The following ODAD3 variants were observed in gnomAD, a reference collection of about 807,000 sequenced individuals.
ODAD3 encodes outer dynein arm-docking complex subunit 3.
ODAD3 carries 57 observed loss-of-function variants against 70.9 expected under a neutral mutation model. The observed-to-expected ratio is 0.80, with a 90% CI of 0.65 to 1.00. The LOEUF (loss-of-function observed/expected upper bound fraction) is 1.00, where lower values mean the gene tolerates loss of function less well. ODAD3 is among the 50% of genes least tolerant of loss of function. The pLI is 0.00. For synonymous variants in ODAD3, 327 were observed against 315.9 expected, an observed-to-expected ratio of 1.04 and a Z score of -0.37; for missense variants, 797 against 763.9, an observed-to-expected ratio of 1.04 and a Z score of -0.51.
Position 11,421,837 on chromosome 19 carries a change from G to T in ODAD3, c.1435-5C>A, listed in dbSNP as rs371246808. The T allele has an allele frequency of 6.8e-5, 109 of 1,611,544 alleles. No homozygotes were observed. The highest frequency in any genetic ancestry group is 4.0e-4 in the Admixed American group (24 of 59,920). The stretch of plus-strand genomic sequence containing the variant: ...TCCCGCGAAGCGGCCGTCCTCCTGC[G>T]GCCAGGGTAGAGCCGGGTCAGCCGA... On this transcript the variant is annotated splice_region_variant and splice_polypyrimidine_tract_variant and intron_variant, in intron 10 of 12. Coordinates refer to ENST00000356392, the MANE Select transcript of ODAD3 (RefSeq NM_145045.5).
At chr19:11,424,511 ATG>A (rs1260053598) in intron 7 of ODAD3, among the ~76,000 whole-genome samples, 1,842 of 140,138 alleles carry the variant, frequency 0.013, 100 homozygotes, top group African/African-American at 0.051. Context: ...ATATGTATAT[ATG>A]TATATATATG....
chr19:11,420,764 G>T lies in ODAD3; in HGVS notation c.*71C>A. 1.4e-6 allele frequency: 2 copies of T among 1,413,676 alleles called. No individual in the cohort carries two copies. Among genetic ancestry groups the T allele is most frequent in the Non-Finnish European group, 1.0e-6 (1 of 1,003,396 alleles). 87.6% of individuals were successfully genotyped at this position (1,413,676 alleles called of 1,614,324 possible). ...CGCGTTCAGCCCCTGAAGGGGCCCC[G>T]TGGGGCCTGCGCTAGACCCGGAGGG... On this transcript the variant is annotated 3_prime_UTR_variant, in exon 13 of 13. Coordinates refer to ENST00000356392, the MANE Select transcript of ODAD3 (RefSeq NM_145045.5).
intron 7 of ODAD3, among the ~76,000 whole-genome samples, chr19:11,425,546 T>C (rs1370402511): frequency 1.6e-5 from 2 of 122,774 alleles, no homozygotes; most frequent in African/African-American, 7.9e-5. Flanking sequence ...TGTGTATGTA[T>C]GTATATATGT....
rs1409124090 is a variant in ODAD3 at position 11,426,968 on chromosome 19, A to G, written c.517T>C (p.Leu173=). ...AGCTCCTCCAGCCGCCTCTGCCGCA[A>G]CACCACCTGGTGCCGCAGGGCGTTC... ...QQNALRHQVV[L]RQRRLEELQL... is the part of the protein sequence containing the mutation. Residue 173 remains leucine, a synonymous_variant, in exon 4 of 13, where the codon TTG becomes CTG. Coordinates refer to ENST00000356392, the MANE Select transcript of ODAD3 (RefSeq NM_145045.5). The G allele has an allele frequency of 6.2e-7, 1 of 1,608,390 alleles. No homozygotes were observed. The highest frequency in any genetic ancestry group is 8.5e-7 in the Non-Finnish European group (1 of 1,179,654).
chr19:11,426,390 C>T (rs1054684240), intron 6 of ODAD3, 56 bp downstream of exon 6: 2 of 1,611,368 alleles, frequency 1.2e-6, no homozygotes, highest in Non-Finnish European at 1.7e-6. Context: ...GTCAGATTCT[C>T]AAGCTGGGAG....
At chr19:11,426,059 GC>G in intron 7 of ODAD3, 84 bp downstream of exon 7, 1 of 1,512,350 alleles carries the variant, frequency 6.6e-7, no homozygotes, top group East Asian at 2.3e-5. Flanking sequence ...ATGGGAGAAG[GC>G]CTAGGATGAG....
At position 11,422,555 on chromosome 19, in the gene ODAD3, G is replaced by A. The variant is rs1969163725; in HGVS notation, c.1350C>T (p.Asp450=). The A allele has an allele frequency of 6.3e-7, 1 of 1,592,008 alleles. No homozygotes were observed. The highest frequency in any genetic ancestry group is 1.8e-5 in the Admixed American group (1 of 56,524). Residue 450 remains aspartate, a synonymous_variant, in exon 10 of 13, where the codon GAC becomes GAT. Coordinates refer to ENST00000356392, the MANE Select transcript of ODAD3 (RefSeq NM_145045.5). The surrounding 1 kb of genome is among the most constrained non-coding windows in gnomAD (Gnocchi z 4.6). ...KEERRHAEAK[D]QLERALRAMQ... ...TCGCCCGCAAGGCGCGCTCCAGCTG[G>A]TCCTTGGCCTCGGCGTGCCGCCGCT...
At chr19:11,424,325 G>C (rs146328693) in intron 7 of ODAD3, among the ~76,000 whole-genome samples, 1 of 151,758 alleles carries the variant, frequency 6.6e-6, no homozygotes, top group Non-Finnish European at 1.5e-5. Context: ...ACAACACGGC[G>C]AGACCCCGTC....
upstream of ODAD3, chr19:11,435,484 CCTCT>C (rs376159338): frequency 0.013 from 4,978 of 380,450 alleles, 186 homozygotes; most frequent in African/African-American, 0.088. Flanking sequence ...TCAGAACTAT[CCTCT>C]CTAAGGTTTC....
intron 7 of ODAD3, among the ~76,000 whole-genome samples, chr19:11,424,939 ATATATGTG>A (rs1175924642): frequency 4.1e-5 from 5 of 120,856 alleles, no homozygotes; most frequent in Non-Finnish European, 6.6e-5. Context: ...GTATATATGT[ATATATGTG>A]TATATGTACA....
chr19:11,435,454 C>A, upstream of ODAD3: 1 of 359,600 alleles, frequency 2.8e-6, no homozygotes. Context: ...GTACGCTGCG[C>A]CGCCATTAAG....
intron 7 of ODAD3, among the ~76,000 whole-genome samples, chr19:11,425,624 T>TATAC: frequency 0.011 from 1,593 of 141,250 alleles, 161 homozygotes; most frequent in African/African-American, 0.044. Context: ...TATGCATATA[T>TATAC]GCATATATGT....
chr19:11,434,848 A>T lies in ODAD3; in HGVS notation c.169T>A (p.Ser57Thr). 2 of 1,614,156 alleles carry T rather than the reference A, an allele frequency of 1.2e-6. No homozygotes were observed. Among genetic ancestry groups the T allele is most frequent in the Non-Finnish European group, 1.7e-6 (2 of 1,180,022 alleles). The change falls in exon 1 of 13, where the codon TCC becomes ACC. Residue 57 changes from serine to threonine, a missense_variant. Transcript: ENST00000356392. ...GGCTTCCCTGCACCTCTGTGGAAGG[A>T]TCCTCCCTTGGAACGGCCTGGGGTC... is the stretch of plus-strand genomic sequence containing the variant. ...AWTPGRSKGGSFHRGAGKPSV... is the reference protein window; with the variant it reads ...AWTPGRSKGGTFHRGAGKPSV...
intron 7 of ODAD3, among the ~76,000 whole-genome samples, chr19:11,424,567 ATATATGTG>A (rs1222041338): frequency 7.2e-6 from 1 of 139,384 alleles, no homozygotes; most frequent in Admixed American, 7.0e-5. Context: ...GTATATATGT[ATATATGTG>A]TATATATACC....
chr19:11,430,945 C>T lies in ODAD3; in HGVS notation c.320G>A (p.Arg107His), dbSNP rs376087461. 3.8e-5 allele frequency: 61 copies of T among 1,613,924 alleles called. No homozygotes were observed. Among genetic ancestry groups the T allele is most frequent in the South Asian group, 4.4e-5 (4 of 91,070 alleles). ...TAGTTCCAGTGCCTTAGTCTCCTTG[C>T]GGAGCTGACTGATGGTCTCCTGGTT... ...KKNQETISQLRKETKALELKL... is the reference protein window; with the variant it reads ...KKNQETISQLHKETKALELKL... Residue 107 changes from arginine (R) to histidine (H), a missense_variant, in exon 2 of 13, where the codon CGC becomes CAC. Transcript: ENST00000356392.
intron 7 of ODAD3, among the ~76,000 whole-genome samples, chr19:11,425,132 TATGTGTATATGTACATATGTATATATAC>T (rs1969275203): frequency 7.5e-6 from 1 of 133,034 alleles, no homozygotes; most frequent in African/African-American, 3.4e-5. Context: ...CATATGTGTA[TATGTGTATATGTACATATGTATATATAC>T]ATATGTGTAT....
At chr19:11,426,095 G>C (rs757905014) in intron 7 of ODAD3, 49 bp downstream of exon 7, 13 of 1,586,360 alleles carry the variant, frequency 8.2e-6, no homozygotes, top group Non-Finnish European at 8.5e-7. Flanking sequence ...TGGCTGGTTT[G>C]TGCTGGGCTG....
At position 11,434,762 on chromosome 19, in the gene ODAD3, A is replaced by G; in HGVS notation, c.244+11T>C. On this transcript the variant is annotated intron_variant, in intron 1 of 12. Transcript: ENST00000356392. ...ACCCCTGACCCTCTGTACCCTCTGG[A>G]GCCATCTTACCTAACAGTTGTATCT... 1 of 1,605,154 alleles carries G rather than the reference A, an allele frequency of 6.2e-7. No individual in the cohort carries two copies. The highest frequency in any genetic ancestry group is 8.5e-7 in the Non-Finnish European group (1 of 1,173,762).
Position 11,422,903 on chromosome 19 carries a change from G to A in ODAD3, c.1117-42C>T. 1 of 1,580,478 alleles carries A rather than the reference G, an allele frequency of 6.3e-7. No homozygotes were observed. Among genetic ancestry groups the A allele is most frequent in the African/African-American group, 1.3e-5 (1 of 74,524 alleles). On this transcript the variant is annotated intron_variant, in intron 8 of 12. Transcript: ENST00000356392. This position sits in a 1 kb window ranked among gnomAD's most constrained non-coding sequence, Gnocchi z 4.6. ...CCCAGTCAGAGCCAGGGCCTAGGGA[G>A]CGTAGGGGCGCTCCACCTCCTCTCC...
Sources: allele counts gnomAD v4.1 joint callset (sites outside exome capture counted in the v4.1 genomes callset), GRCh38; gene constraint gnomAD v4.1.1; non-coding constraint Gnocchi (gnomAD v3.1); transcripts MANE v1.5; gene names NCBI Gene and HGNC (gene_info 2026-07-23, HGNC 2026-07-21).